AARS2: variants seen among roughly 807,000 people sequenced by gnomAD.
AARS2 encodes alanyl-tRNA synthetase 2, mitochondrial.
AARS2 carries 78 observed loss-of-function variants against 119.7 expected under a neutral mutation model. The ratio of observed to expected loss-of-function variants is 0.65; its 90% CI spans 0.54 to 0.79. The LOEUF is 0.79. AARS2 is among the 30% of genes least tolerant of loss of function. The pLI, the probability that AARS2 is intolerant of heterozygous loss-of-function variation, is 0.00. For synonymous variants in AARS2, 502 were observed against 526.3 expected (o/e 0.95, Z 0.63); for missense variants, 1,157 against 1,291.3 (o/e 0.90, Z 1.59).
At chr6:44,301,098 G>C in intron 21 of AARS2, 58 bp downstream of exon 21, 1 of 1,483,546 alleles carries the variant, frequency 6.7e-7, no homozygotes, top group Non-Finnish European at 9.3e-7. Context: ...TAAAATCAGA[G>C]AGCTGGACCA....
chr6:44,300,693 T>G lies in AARS2; in HGVS notation c.2812A>C (p.Thr938Pro), dbSNP rs763868546. The G allele has an allele frequency of 6.8e-5, 110 of 1,613,006 alleles. No homozygotes were observed. Among genetic ancestry groups the G allele is most frequent in the Non-Finnish European group, 8.9e-5 (105 of 1,180,024 alleles). The stretch of plus-strand genomic sequence containing the variant: ...ACTGCCAGTGCCCAGGCCTCTGCTG[T>G]GAAGGTGGGCATGGCACCCTAGGAA... ...QVAQGAMPTF[T>P]AEAWALAVCS... Residue 938 changes from threonine (T) to proline (P), a missense_variant, in exon 22 of 22, where the codon ACA (threonine) becomes CCA (proline). Physicochemically the swap from Thr to Pro is conservative, Grantham distance 38. Transcript: ENST00000244571.
At chr6:44,302,617 C>A in intron 17 of AARS2, 104 bp from the exon 18 acceptor site, 1 of 1,577,178 alleles carries the variant, frequency 6.3e-7, no homozygotes, top group Non-Finnish European at 8.7e-7. Flanking sequence ...CAATCAGGAC[C>A]AATCAAGGCA....
Position 44,313,112 on chromosome 6 carries a change from CTG to C in AARS2, c.210_211del (p.Ser71PhefsTer45). Reference sequence around the variant, plus strand: ...CATGCCCGCATTGACAAAAAGCAAACTGGGGTCGCCGCGGGGCCGCACGGAAG... The same window carrying C: ...CATGCCCGCATTGACAAAAAGCAAACGGGTCGCCGCGGGGCCGCACGGAAG... On this transcript the variant is annotated frameshift_variant, in exon 1 of 22. Transcript: ENST00000244571. LOFTEE classifies it high-confidence loss of function. 6.2e-7 allele frequency: 1 copy of C among 1,613,338 alleles called. No homozygotes were observed. The highest frequency in any genetic ancestry group is 8.5e-7 in the Non-Finnish European group (1 of 1,179,874).
rs1401537328 is a variant in AARS2, at chr6:44,306,931, C to G, written c.1141G>C (p.Glu381Gln). 6.2e-7 allele frequency: 1 copy of G among 1,613,854 alleles called. No homozygotes were observed. Among genetic ancestry groups the G allele is most frequent in the South Asian group, 1.1e-5 (1 of 91,076 alleles). ...AGAAGCTCTGTCCTTACCAGTGTCTCCACCACTACAGGTACCAGGCTGCCT... is the reference window on the plus strand; with the variant it reads ...AGAAGCTCTGTCCTTACCAGTGTCTGCACCACTACAGGTACCAGGCTGCCT... The part of the protein sequence containing the change: ...FLGSLVPVVV[E>Q]TLGDAYPELQ... Residue 381 changes from glutamate (E) to glutamine (Q), a missense_variant, in exon 7 of 22, where the codon GAG (glutamate) becomes CAG (glutamine). Transcript: ENST00000244571.
At chr6:44,304,051 G>A in intron 14 of AARS2, 130 bp downstream of exon 14, 2 of 1,360,142 alleles carry the variant, frequency 1.5e-6, no homozygotes, top group Non-Finnish European at 2.1e-6. Flanking sequence ...CTTGCCCAGG[G>A]TCCCATAGTG....
chr6:44,307,052 G>A lies in AARS2; in HGVS notation c.1041-21C>T. On this transcript the variant is annotated intron_variant, in intron 6 of 21. Coordinates refer to ENST00000244571, the MANE Select transcript of AARS2 (RefSeq NM_020745.4). This position sits in a 1 kb window ranked among gnomAD's most constrained non-coding sequence, Gnocchi z 4.4. ...CCAGCCTAAAGGGGTTCAGAGCCCA[G>A]ACATGAATCCCCAGCGGCTCATGGT... 1.2e-6 allele frequency: 2 copies of A among 1,613,352 alleles called. No individual in the cohort carries two copies. The highest frequency in any genetic ancestry group is 1.6e-4 in the Middle Eastern group (1 of 6,062).
chr6:44,311,962 T>C, intron 2 of AARS2, 110 bp downstream of exon 2: 1 of 1,335,108 alleles, frequency 7.5e-7, no homozygotes, highest in Non-Finnish European at 1.1e-6. Context: ...CCGGCTCAAC[T>C]AGCACTTTGC....
In AARS2 at chr6:44,306,377, C is replaced by T. The variant is rs79437242; in HGVS notation, c.1203G>A (p.Val401=). The change falls in exon 9 of 22, where the codon GTG becomes GTA. Residue 401 remains valine (V), a synonymous_variant. Coordinates refer to ENST00000244571, the MANE Select transcript of AARS2 (RefSeq NM_020745.4). ...QRNSAQIANL[V]SEDEAAFLAS... is the part of the protein sequence containing the mutation. ...CCAGGAAGGCTGCCTCGTCCTCTGA[C>T]ACCAGGTTGGCGATCTGAACCAGGC... 3 of 1,614,188 alleles carry T rather than the reference C, an allele frequency of 1.9e-6. No individual in the cohort carries two copies. Among genetic ancestry groups the T allele is most frequent in the East Asian group, 2.2e-5 (1 of 44,862 alleles).
In AARS2 at chr6:44,300,522, A is replaced by AT; in HGVS notation, c.*24dup. 6.2e-7 allele frequency: 1 copy of AT among 1,613,806 alleles called. No individual in the cohort carries two copies. Among genetic ancestry groups the AT allele is most frequent in the Non-Finnish European group, 8.5e-7 (1 of 1,180,016 alleles). Reference sequence around the variant, plus strand: ...GGGCTCCTGGCATTGCCTTTAGTCCATGTGGGTCCCTGGGCGGACCTGGGT... The same window carrying AT: ...GGGCTCCTGGCATTGCCTTTAGTCCATTGTGGGTCCCTGGGCGGACCTGGGT... On this transcript the variant is annotated 3_prime_UTR_variant, in exon 22 of 22. Transcript: ENST00000244571.
At chr6:44,306,700 G>A (rs1203507678) in intron 7 of AARS2, among the ~76,000 whole-genome samples, 168 bp from the exon 8 acceptor site, 1 of 152,162 alleles carries the variant, frequency 6.6e-6, no homozygotes, top group Non-Finnish European at 1.5e-5. Context: ...GGCAGAAGGG[G>A]GTCCTGAGGT....
In AARS2 at chr6:44,313,142, G is replaced by A. The variant is rs747136542; in HGVS notation, c.182C>T (p.Ser61Phe). 1.2e-6 allele frequency: 2 copies of A among 1,611,704 alleles called. No individual in the cohort carries two copies. Among genetic ancestry groups the A allele is most frequent in the East Asian group, 4.5e-5 (2 of 44,814 alleles). The change falls in exon 1 of 22, where the codon TCC becomes TTC. Residue 61 changes from serine (S) to phenylalanine (F), a missense_variant. Physicochemically the swap from Ser to Phe is radical, Grantham distance 155. Coordinates refer to ENST00000244571, the MANE Select transcript of AARS2 (RefSeq NM_020745.4). ...RDRHGHRLVPSASVRPRGDPS... is the reference protein window; with the variant it reads ...RDRHGHRLVPFASVRPRGDPS... ...GTCGCCGCGGGGCCGCACGGAAGCG[G>A]AGGGCACCAGCCGGTGGCCATGGCG...
At chr6:44,302,765 C>T in intron 17 of AARS2, 37 bp downstream of exon 17, 1 of 1,591,238 alleles carries the variant, frequency 6.3e-7, no homozygotes, top group Non-Finnish European at 8.6e-7. Context: ...CATGCACCCA[C>T]TCAACCCAGA....
chr6:44,302,741 A>G (rs1217650750), intron 17 of AARS2, 61 bp downstream of exon 17: 1 of 1,535,554 alleles, frequency 6.5e-7, no homozygotes, highest in Non-Finnish European at 8.9e-7. Context: ...TGAGCATGTC[A>G]CCTGCGTGTG....
intron 11 of AARS2, 91 bp downstream of exon 11, chr6:44,304,963 A>T: frequency 6.2e-7 from 1 of 1,608,500 alleles, no homozygotes; most frequent in Non-Finnish European, 8.5e-7. Context: ...ATCCTGGGGA[A>T]TACATAGGGG....
chr6:44,310,576 T>G (rs1786267878), intron 4 of AARS2, 133 bp from the exon 5 acceptor site: 1 of 1,194,588 alleles, frequency 8.4e-7, no homozygotes, highest in Admixed American at 2.0e-5. Context: ...ATCAGTATCT[T>G]CCCCTGCCAC....
At chr6:44,302,024 C>G (rs777709856) in intron 19 of AARS2, 36 bp downstream of exon 19, 2 of 1,605,686 alleles carry the variant, frequency 1.2e-6, no homozygotes, top group Non-Finnish European at 1.7e-6. Flanking sequence ...GCTGGAGTGT[C>G]TCTGGGCACA....
At chr6:44,310,550 T>C (rs1193382498) in intron 4 of AARS2, 107 bp from the exon 5 acceptor site, 2 of 1,441,244 alleles carry the variant, frequency 1.4e-6, no homozygotes, top group African/African-American at 2.8e-5. Context: ...GAGCTGACAG[T>C]GGGAGGAACC....
intron 13 of AARS2, 33 bp from the exon 14 acceptor site, chr6:44,304,354 G>A: frequency 6.2e-7 from 1 of 1,614,206 alleles, no homozygotes; most frequent in South Asian, 1.1e-5. Context: ...CGTCCTGGGT[G>A]AGGGCAGGGG....
intron 5 of AARS2, among the ~76,000 whole-genome samples, chr6:44,308,425 G>A (rs569286225): frequency 5.0e-4 from 76 of 152,004 alleles, no homozygotes; most frequent in South Asian, 1.2e-3. Context: ...TGTAATCCCA[G>A]CTACTCTGGA....
Sources: allele counts gnomAD v4.1 joint callset (sites outside exome capture counted in the v4.1 genomes callset), GRCh38; gene constraint gnomAD v4.1.1; non-coding constraint Gnocchi (gnomAD v3.1); transcripts MANE v1.5; gene names NCBI Gene and HGNC (gene_info 2026-07-23, HGNC 2026-07-21).